Variants in WASHC5 observed in about 807,000 individuals in gnomAD.
The protein encoded by WASHC5 is WASH complex subunit strumpellin.
Under a neutral mutation model 150.4 loss-of-function variants are expected in WASHC5, and 101 were observed. That is an observed-to-expected ratio of 0.67 (90% confidence interval 0.57 to 0.79). WASHC5 has a LOEUF of 0.79. Among genes scored for constraint, WASHC5 ranks in the 30% least tolerant of loss-of-function variants. The pLI is 0.00. For missense variants in WASHC5, 1,195 were observed against 1,396.3 expected (o/e 0.86, Z 2.30); for synonymous variants, 467 against 491.2 (o/e 0.95, Z 0.65).
At position 125,078,816 on chromosome 8, in the gene WASHC5, A is replaced by G. The variant is rs150749307; in HGVS notation, c.633T>C (p.Tyr211=). 1 of 1,613,908 alleles carries G rather than the reference A, an allele frequency of 6.2e-7. No individual in the cohort carries two copies. The highest frequency in any genetic ancestry group is 8.5e-7 in the Non-Finnish European group (1 of 1,179,948). ...ATTCGTTGATAGGCACTCTCTGGAA[A>G]TAGCTCTCGGGATAGTTGGATGGTC... ...AKRPSNYPES[Y]FQRVPINESF... The change falls in exon 6 of 29, where the codon TAT becomes TAC. Residue 211 remains tyrosine (Y), a synonymous_variant. Coordinates refer to ENST00000318410, the MANE Select transcript of WASHC5 (RefSeq NM_014846.4).
At chr8:125,062,121 A>G (rs1046374138) in intron 11 of WASHC5, among the ~76,000 whole-genome samples, 2 of 152,120 alleles carry the variant, frequency 1.3e-5, no homozygotes, top group Non-Finnish European at 2.9e-5. Context: ...TCATTTTTGA[A>G]GATTTTTGTA....
At chr8:125,043,552 T>C (rs1358912512) in intron 23 of WASHC5, among the ~76,000 whole-genome samples, 1 of 152,220 alleles carries the variant, frequency 6.6e-6, no homozygotes, top group African/African-American at 2.4e-5. Context: ...AATTTTCATA[T>C]ATAAAAGCAC....
chr8:125,057,191 A>T lies in WASHC5; in HGVS notation c.1875+365T>A, dbSNP rs549948085. 2.0e-5 allele frequency among the ~76,000 whole-genome samples: 3 copies of T among 152,298 alleles called. No individual in the cohort carries two copies. In the South Asian group the frequency reaches 6.2e-4, roughly 32 times the overall value. On this transcript the variant is annotated intron_variant, in intron 15 of 28. Coordinates refer to ENST00000318410, the MANE Select transcript of WASHC5 (RefSeq NM_014846.4). The stretch of plus-strand genomic sequence containing the variant: ...AGAATTTATTAAAACGAGAATCAAA[A>T]TTCCCATGAAAACCTGAACTGGGCT...
intron 1 of WASHC5, among the ~76,000 whole-genome samples, chr8:125,087,670 C>T (rs1435751669): frequency 2.0e-5 from 3 of 149,164 alleles, no homozygotes; most frequent in South Asian, 2.1e-4. Flanking sequence ...GAGGTTGAGG[C>T]TGCAGTGAGC....
At position 125,075,074 on chromosome 8, in the gene WASHC5, A is replaced by C; in HGVS notation, c.902T>G (p.Val301Gly). ...SIYMGITVNL[V>G]DAWEPYKAAK... ...AGCTTTGTAAGGTTCCCAAGCATCT[A>C]CTAGATTAACTGTGATCCCCATGTA... Residue 301 changes from valine (V) to glycine (G), a missense_variant, in exon 8 of 29, where the codon GTA becomes GGA. Val to Gly is a moderately radical substitution (Grantham distance 109). Transcript: ENST00000318410. The C allele has an allele frequency of 6.2e-7, 1 of 1,611,474 alleles. No homozygotes were observed. Among genetic ancestry groups the C allele is most frequent in the Non-Finnish European group, 8.5e-7 (1 of 1,177,740 alleles).
chr8:125,047,786 G>A (rs1816117065), intron 19 of WASHC5, among the ~76,000 whole-genome samples: 1 of 152,070 alleles, frequency 6.6e-6, no homozygotes, highest in Non-Finnish European at 1.5e-5. Context: ...TTGACCTCAG[G>A]TGATCCACCT....
At position 125,083,995 on chromosome 8, in the gene WASHC5, A is replaced by C. The variant is rs1031935449; in HGVS notation, c.-97T>G. 8 of 1,182,488 alleles carry C rather than the reference A, an allele frequency of 6.8e-6. No individual in the cohort carries two copies. The highest frequency in any genetic ancestry group is 5.9e-5 in the Admixed American group (3 of 50,766). The allele number at this position is 1,182,488 out of a possible 1,614,324, so 73.2% of individuals were successfully genotyped here. On this transcript the variant is annotated 5_prime_UTR_variant, in exon 2 of 29. Coordinates refer to ENST00000318410, the MANE Select transcript of WASHC5 (RefSeq NM_014846.4). ...TATTATTAGATGAAACCAGGTGTGCAGAGAGATTGGCTCCTCCATTAAAGA... is the reference window on the plus strand; with the variant it reads ...TATTATTAGATGAAACCAGGTGTGCCGAGAGATTGGCTCCTCCATTAAAGA...
chr8:125,080,486 A>G (rs1055028944), intron 5 of WASHC5, among the ~76,000 whole-genome samples: 2 of 148,842 alleles, frequency 1.3e-5, no homozygotes, highest in African/African-American at 5.2e-5. Context: ...AGGACACAGT[A>G]GTACCTGGTA....
At chr8:125,055,370 C>T (rs1816374729) in intron 17 of WASHC5, among the ~76,000 whole-genome samples, 1 of 151,992 alleles carries the variant, frequency 6.6e-6, no homozygotes, top group African/African-American at 2.4e-5. Context: ...TTGCAGTGAG[C>T]CAAGATTGCA....
chr8:125,042,388 C>G (rs575611829), intron 23 of WASHC5, among the ~76,000 whole-genome samples: 1 of 152,168 alleles, frequency 6.6e-6, no homozygotes, highest in African/African-American at 2.4e-5. Flanking sequence ...CTGTCATCAT[C>G]GAATAGCACA....
At chr8:125,080,125 A>G (rs1283549141) in intron 5 of WASHC5, among the ~76,000 whole-genome samples, 1 of 152,150 alleles carries the variant, frequency 6.6e-6, no homozygotes, top group Non-Finnish European at 1.5e-5. Flanking sequence ...ATGACCTGCT[A>G]TTTGCTGTAA....
At chr8:125,067,776 TAAG>T in intron 9 of WASHC5, 57 bp from the exon 10 acceptor site, 1 of 1,543,980 alleles carries the variant, frequency 6.5e-7, no homozygotes, top group Non-Finnish European at 8.9e-7. Flanking sequence ...ATCTATGAAA[TAAG>T]ATAAATTATT....
chr8:125,040,055 C>G lies in WASHC5; in HGVS notation c.2851-157G>C, dbSNP rs557382805. Reference sequence around the variant, plus strand: ...CCTGAACTGATCTCTTGGCTAAGACCAGCACTGGATCTAATGAAGCACCAG... The same window carrying G: ...CCTGAACTGATCTCTTGGCTAAGACGAGCACTGGATCTAATGAAGCACCAG... On this transcript the variant is annotated intron_variant, in intron 23 of 28. Transcript: ENST00000318410. Among the ~76,000 whole-genome samples, 13 of 152,244 alleles carry G rather than the reference C, an allele frequency of 8.5e-5. No individual in the cohort carries two copies. In the South Asian group the frequency reaches 2.7e-3, roughly 32 times the overall value.
chr8:125,036,793 T>C (rs1255845147), intron 26 of WASHC5, among the ~76,000 whole-genome samples: 2 of 152,180 alleles, frequency 1.3e-5, no homozygotes, highest in African/African-American at 4.8e-5. Context: ...GCGGATCACC[T>C]GAGGTCAGGA....
chr8:125,052,463 CATAA>C (rs1342511116), intron 17 of WASHC5, among the ~76,000 whole-genome samples: 10 of 149,094 alleles, frequency 6.7e-5, no homozygotes, highest in Non-Finnish European at 1.2e-4. Context: ...CGTTTATATA[CATAA>C]ATATCCATCC....
intron 27 of WASHC5, among the ~76,000 whole-genome samples, chr8:125,029,118 G>A (rs1360287674): frequency 1.3e-5 from 2 of 148,878 alleles, no homozygotes; most frequent in Admixed American, 6.8e-5. Flanking sequence ...TGCAACCTCC[G>A]CCTCCCGGGT....
At position 125,049,009 on chromosome 8, in the gene WASHC5, C is replaced by T. The variant is rs770315270; in HGVS notation, c.2376G>A (p.Thr792=). 5 of 1,608,910 alleles carry T rather than the reference C, an allele frequency of 3.1e-6. No individual in the cohort carries two copies. The highest frequency in any genetic ancestry group is 1.7e-6 in the Non-Finnish European group (2 of 1,176,564). The change falls in exon 19 of 29, where the codon ACG becomes ACA. Residue 792 remains threonine, a synonymous_variant. Coordinates refer to ENST00000318410, the MANE Select transcript of WASHC5 (RefSeq NM_014846.4). ...AATTTTAAAATTTATTAGATACCTT[C>T]GTTCTTAGAAAGTTATTACACTCTT... is the stretch of plus-strand genomic sequence containing the variant. The part of the protein sequence containing the change: ...VEQECNNFLR[T]KIQDWQSMYQ...
At chr8:125,055,092 A>T (rs954184876) in intron 17 of WASHC5, among the ~76,000 whole-genome samples, 2 of 152,120 alleles carry the variant, frequency 1.3e-5, no homozygotes, top group African/African-American at 4.8e-5. Flanking sequence ...TACTAAGAGA[A>T]ATAAAGATTA....
rs1376779222 is a variant in WASHC5, at chr8:125,028,622, T to TC, written c.3420dup (p.Arg1141GlufsTer4). ...GTTCTTTACTATCTATCACTTACCC[T>TC]CCTGGGTAGCTTTGTGTACCGAACA... On this transcript the variant is annotated frameshift_variant, in exon 28 of 29. Coordinates refer to ENST00000318410, the MANE Select transcript of WASHC5 (RefSeq NM_014846.4). LOFTEE classifies it high-confidence loss of function. 1.9e-6 allele frequency: 3 copies of TC among 1,603,684 alleles called. No individual in the cohort carries two copies. In the African/African-American group the frequency reaches 4.0e-5, roughly 21 times the overall value.
Sources: allele counts gnomAD v4.1 joint callset (sites outside exome capture counted in the v4.1 genomes callset), GRCh38; gene constraint gnomAD v4.1.1; transcripts MANE v1.5; gene names NCBI Gene and HGNC (gene_info 2026-07-23, HGNC 2026-07-21).